ZCCHC7: variants seen among roughly 807,000 people sequenced by gnomAD.
ZCCHC7 encodes zinc finger CCHC domain-containing protein 7.
A neutral mutation model predicts 52.0 loss-of-function variants in ZCCHC7; 35 were observed. The ratio of observed to expected loss-of-function variants is 0.67; its 90% CI spans 0.51 to 0.89. The LOEUF is 0.89. Among genes scored for constraint, ZCCHC7 ranks in the 40% least tolerant of loss-of-function variants. The pLI is 0.00. For synonymous variants in ZCCHC7, 217 were observed against 221.5 expected (o/e 0.98, Z 0.18); for missense variants, 574 against 649.1 (o/e 0.88, Z 1.26).
At chr9:37,175,974 T>TGAA (rs911214429) in intron 2 of ZCCHC7, among the ~76,000 whole-genome samples, 24 of 152,368 alleles carry the variant, frequency 1.6e-4, no homozygotes, top group African/African-American at 5.5e-4. Flanking sequence ...TGTAAGAGGT[T>TGAA]GAACAACAAG....
chr9:37,173,593 A>G (rs542212076), intron 2 of ZCCHC7, among the ~76,000 whole-genome samples: 2 of 152,322 alleles, frequency 1.3e-5, no homozygotes, highest in African/African-American at 2.4e-5. Context: ...ATACAACTAT[A>G]TATTTTTACA....
chr9:37,175,345 C>G (rs771589671), intron 2 of ZCCHC7, among the ~76,000 whole-genome samples: 12 of 152,112 alleles, frequency 7.9e-5, no homozygotes, highest in Non-Finnish European at 1.5e-4. Flanking sequence ...TCTGGCAGCT[C>G]TAGCTTCGAT....
chr9:37,309,136 A>G (rs1256437419), intron 5 of ZCCHC7, among the ~76,000 whole-genome samples: 2 of 152,190 alleles, frequency 1.3e-5, no homozygotes, highest in African/African-American at 4.8e-5. Context: ...TACATGGCGA[A>G]GGTTCTGGAA....
At chr9:37,327,132 T>C (rs1355237081) in intron 5 of ZCCHC7, 1 of 152,144 alleles carries the variant, frequency 6.6e-6, no homozygotes, top group East Asian at 1.9e-4. Flanking sequence ...TTTGGTTGGT[T>C]CTTTTGTTGT....
chr9:37,147,859 TC>T (rs777496475), intron 2 of ZCCHC7, among the ~76,000 whole-genome samples: 4 of 152,068 alleles, frequency 2.6e-5, no homozygotes, highest in Non-Finnish European at 4.4e-5. Context: ...TTTAAAAAAA[TC>T]TACATTATAA....
intron 8 of ZCCHC7, among the ~76,000 whole-genome samples, chr9:37,356,452 C>T (rs1821707153): frequency 6.6e-6 from 1 of 152,172 alleles, no homozygotes; most frequent in South Asian, 2.1e-4. Context: ...TCATATGAGA[C>T]CATCAAAAGG....
At position 37,327,817 on chromosome 9, in the gene ZCCHC7, A is replaced by T. The variant is rs1356485396; in HGVS notation, c.970A>T (p.Arg324Trp). ...HYTDACTEIW[R>W]QYHLTTKPGP... Reference sequence around the variant, plus strand: ...TTTCCAGGCTTGCACAGAAATCTGGAGGCAGTATCACCTAACGGTGAGTAG... The same window carrying T: ...TTTCCAGGCTTGCACAGAAATCTGGTGGCAGTATCACCTAACGGTGAGTAG... Residue 324 changes from arginine (R) to tryptophan (W), a missense_variant, in exon 6 of 9, where the codon AGG becomes TGG. This residue lies in a region of ZCCHC7 where 403 missense variants were observed against 461.2 expected (regional missense o/e 0.87). Transcript: ENST00000336755. 6.2e-7 allele frequency: 1 copy of T among 1,613,166 alleles called. No homozygotes were observed. The highest frequency in any genetic ancestry group is 1.3e-5 in the African/African-American group (1 of 74,986).
At chr9:37,303,232 C>G (rs1383304740) in intron 3 of ZCCHC7, among the ~76,000 whole-genome samples, 1 of 152,036 alleles carries the variant, frequency 6.6e-6, no homozygotes, top group Non-Finnish European at 1.5e-5. Flanking sequence ...CGAAATCAGA[C>G]TGGGCAACAT....
intron 2 of ZCCHC7, among the ~76,000 whole-genome samples, chr9:37,253,868 C>G (rs1275576229): frequency 6.6e-6 from 1 of 151,930 alleles, no homozygotes; most frequent in Non-Finnish European, 1.5e-5. Flanking sequence ...ACCATCCTAT[C>G]AACATATATT....
At chr9:37,195,926 T>A (rs1823265893) in intron 2 of ZCCHC7, among the ~76,000 whole-genome samples, 1 of 152,128 alleles carries the variant, frequency 6.6e-6, no homozygotes, top group South Asian at 2.1e-4. Context: ...AGATTGTAAG[T>A]TTGTGTGATT....
At chr9:37,308,733 C>T (rs1016512253) in intron 5 of ZCCHC7, among the ~76,000 whole-genome samples, 2 of 152,054 alleles carry the variant, frequency 1.3e-5, no homozygotes, top group Admixed American at 1.3e-4. Context: ...GTAATCCTAG[C>T]ACTTTGGGAG....
intron 8 of ZCCHC7, among the ~76,000 whole-genome samples, chr9:37,356,489 A>G (rs1360883304): frequency 6.6e-6 from 1 of 152,170 alleles, no homozygotes; most frequent in Non-Finnish European, 1.5e-5. Flanking sequence ...GCTTTGCCTC[A>G]TTTTCAAAGG....
chr9:37,343,401 A>G (rs1419271507), intron 6 of ZCCHC7, among the ~76,000 whole-genome samples: 1 of 152,204 alleles, frequency 6.6e-6, no homozygotes, highest in Non-Finnish European at 1.5e-5. Flanking sequence ...TGTAGGCCTC[A>G]GCCTCCCTAG....
Position 37,187,000 on chromosome 9 carries a change from A to C in ZCCHC7, c.610+60058A>C, listed in dbSNP as rs1822696860. ...AATAAGTAAAAACAATGGATTGATG[A>C]AACTTCTTCACTGCTTTTTTCTTTG... On this transcript the variant is annotated intron_variant, in intron 2 of 8. Transcript: ENST00000336755. The C allele has an allele frequency of 2.9e-5, 7 of 237,764 alleles. 1 individual carries two copies. The South Asian group carries it at 1.2e-3, about 41-fold the overall frequency. The allele number at this position is 237,764 out of a possible 1,614,324, so 14.7% of individuals were successfully genotyped here.
intron 2 of ZCCHC7, among the ~76,000 whole-genome samples, chr9:37,232,314 T>G (rs1318320833): frequency 6.6e-6 from 1 of 152,232 alleles, no homozygotes; most frequent in Non-Finnish European, 1.5e-5. Context: ...TCTATAGTCT[T>G]AAGCCCTGGC....
intron 2 of ZCCHC7, among the ~76,000 whole-genome samples, chr9:37,220,179 A>G (rs1391889515): frequency 1.3e-5 from 2 of 152,174 alleles, no homozygotes; most frequent in Admixed American, 6.5e-5. Context: ...TAGGATATAT[A>G]TTGTGATCAT....
At chr9:37,187,434 G>A (rs1418865939) in intron 2 of ZCCHC7, among the ~76,000 whole-genome samples, 1 of 152,178 alleles carries the variant, frequency 6.6e-6, no homozygotes, top group Non-Finnish European at 1.5e-5. Context: ...GACAGGAGGC[G>A]GAGCTCAGGC....
rs927798733 is a variant in ZCCHC7 at position 37,317,179 on chromosome 9, G to A, written c.952-10620G>A. On this transcript the variant is annotated intron_variant, in intron 5 of 8. Transcript: ENST00000336755. The stretch of plus-strand genomic sequence containing the variant: ...AACAAAAATTATACTAATATCCAGA[G>A]AGAAAAACACACAAATCAGATTCAC... Among the ~76,000 whole-genome samples the A allele has an allele frequency of 2.6e-5, 4 of 152,240 alleles. No homozygotes were observed. In the South Asian group the frequency reaches 6.2e-4, roughly 24 times the overall value.
At chr9:37,282,604 C>CAAAAAAA in intron 2 of ZCCHC7, among the ~76,000 whole-genome samples, 1 of 52,546 alleles carries the variant, frequency 1.9e-5, no homozygotes, top group Non-Finnish European at 3.7e-5. Flanking sequence ...GACTCTGTCT[C>CAAAAAAA]AAAAAAAAAA....
Sources: gnomAD v4.1 joint callset for allele counts (sites outside exome capture counted in the v4.1 genomes callset) on GRCh38, gnomAD v4.1.1 for gene constraint, gnomAD v4.1.1 regional missense constraint, MANE v1.5 for transcripts, NCBI Gene and HGNC (gene_info 2026-07-23, HGNC 2026-07-21) for gene names.